Variants in ARHGAP12 observed in about 807,000 individuals in gnomAD.
ARHGAP12 encodes rho GTPase-activating protein 12.
ARHGAP12 carries 64 observed loss-of-function variants against 108.6 expected under a neutral mutation model. That is an observed-to-expected ratio of 0.59 (90% confidence interval 0.48 to 0.73). The LOEUF is 0.73. Among genes scored for constraint, ARHGAP12 ranks in the 30% least tolerant of loss-of-function variants. The pLI is 0.00. For missense variants in ARHGAP12, 940 were observed against 1,005.9 expected, an observed-to-expected ratio of 0.93 and a Z score of 0.89; for synonymous variants, 312 against 337.2, an observed-to-expected ratio of 0.93 and a Z score of 0.82.
intron 3 of ARHGAP12, among the ~76,000 whole-genome samples, chr10:31,876,802 G>C (rs1837749586): frequency 6.6e-6 from 1 of 152,200 alleles, no homozygotes; most frequent in South Asian, 2.1e-4. Flanking sequence ...CGAACAGTTA[G>C]TGCTAGTTAA....
At chr10:31,910,785 G>A (rs1431992406) in intron 1 of ARHGAP12, among the ~76,000 whole-genome samples, 1 of 152,116 alleles carries the variant, frequency 6.6e-6, no homozygotes, top group African/African-American at 2.4e-5. Flanking sequence ...CTCTCCCACT[G>A]TACTTCCACA....
chr10:31,915,680 A>G lies in ARHGAP12; in HGVS notation c.-110-5117T>C, dbSNP rs996822065. On this transcript the variant is annotated intron_variant, in intron 1 of 19. Transcript: ENST00000344936. Reference sequence around the variant, plus strand: ...ATTCCACTACGTATATATACTTCAAAAACTATATTGTACATAATAAAAAAC... The same window carrying G: ...ATTCCACTACGTATATATACTTCAAGAACTATATTGTACATAATAAAAAAC... 3.3e-5 allele frequency among the ~76,000 whole-genome samples: 5 copies of G among 152,192 alleles called. No individual in the cohort carries two copies. The South Asian group carries it at 6.2e-4, about 19-fold the overall frequency.
At chr10:31,915,176 C>T (rs1004637261) in intron 1 of ARHGAP12, among the ~76,000 whole-genome samples, 11 of 152,066 alleles carry the variant, frequency 7.2e-5, no homozygotes, top group Non-Finnish European at 2.9e-5. Context: ...CACCTGAGGT[C>T]GGGGGTTCGA....
chr10:31,869,575 C>T (rs536319085), intron 3 of ARHGAP12, among the ~76,000 whole-genome samples: 3 of 152,082 alleles, frequency 2.0e-5, no homozygotes, highest in Non-Finnish European at 2.9e-5. Context: ...ACACCACCCC[C>T]TCCCCCCTAA....
intron 1 of ARHGAP12, among the ~76,000 whole-genome samples, chr10:31,918,444 T>C (rs1839656683): frequency 6.6e-6 from 1 of 152,082 alleles, no homozygotes; most frequent in Non-Finnish European, 1.5e-5. Flanking sequence ...GGCTCATATC[T>C]GTAATCCCAG....
chr10:31,839,745 AT>A, intron 7 of ARHGAP12, 34 bp from the exon 8 acceptor site: 2 of 1,501,958 alleles, frequency 1.3e-6, no homozygotes, highest in Non-Finnish European at 9.1e-7. Flanking sequence ...AAGTTACTCT[AT>A]TTTATATAAT....
At chr10:31,812,895 C>T in intron 14 of ARHGAP12, 72 bp from the exon 15 acceptor site, 2 of 768,636 alleles carry the variant, frequency 2.6e-6, no homozygotes, top group East Asian at 2.6e-5. Flanking sequence ...TTCCAGCTAG[C>T]ATGCAAAACA....
intron 6 of ARHGAP12, among the ~76,000 whole-genome samples, chr10:31,845,741 C>T (rs1428007175): frequency 2.0e-5 from 3 of 152,098 alleles, no homozygotes; most frequent in Non-Finnish European, 2.9e-5. Context: ...ACCGAAATTT[C>T]ACCACTGCAC....
intron 3 of ARHGAP12, 74 bp downstream of exon 3, chr10:31,908,098 T>C: frequency 7.2e-7 from 1 of 1,381,782 alleles, no homozygotes; most frequent in Non-Finnish European, 9.7e-7. Flanking sequence ...CTCTTACAAA[T>C]ATTTCAATTA....
chr10:31,850,031 T>C (rs1181319868), intron 6 of ARHGAP12, among the ~76,000 whole-genome samples: 2 of 152,166 alleles, frequency 1.3e-5, no homozygotes, highest in Non-Finnish European at 2.9e-5. Flanking sequence ...ACTCTCTCCC[T>C]TCAAAGGACC....
rs191425151 is a variant in ARHGAP12, at chr10:31,919,980, G to A, written c.-111+8703C>T. Among the ~76,000 whole-genome samples, 367 of 151,158 alleles carry A rather than the reference G, an allele frequency of 2.4e-3. 3 individuals carry two copies. The highest frequency in any genetic ancestry group is 8.5e-3 in the African/African-American group (350 of 41,120). The stretch of plus-strand genomic sequence containing the variant: ...AAAATACAAAAATTAGCTGGCCATG[G>A]TGGCATGCCTGTAATCCCAGCTACT... On this transcript the variant is annotated intron_variant, in intron 1 of 19. Transcript: ENST00000344936.
At chr10:31,809,822 C>A (rs574285523) in intron 16 of ARHGAP12, 2 of 152,250 alleles carry the variant, frequency 1.3e-5, no homozygotes, top group African/African-American at 4.8e-5. Flanking sequence ...TTATTATTTT[C>A]TTTTATATGT....
chr10:31,848,346 G>A (rs1433632283), intron 6 of ARHGAP12, among the ~76,000 whole-genome samples: 1 of 152,096 alleles, frequency 6.6e-6, no homozygotes, highest in Non-Finnish European at 1.5e-5. Context: ...AGCAAAATTT[G>A]TTGACATGTT....
chr10:31,810,814 A>G, intron 15 of ARHGAP12, 67 bp from the exon 16 acceptor site: 2 of 1,209,770 alleles, frequency 1.7e-6, no homozygotes, highest in East Asian at 2.3e-5. Flanking sequence ...ATGGCTAACC[A>G]TTCAGAGTGC....
At chr10:31,813,271 T>C (rs771577189) in intron 14 of ARHGAP12, among the ~76,000 whole-genome samples, 12 of 152,100 alleles carry the variant, frequency 7.9e-5, no homozygotes, top group African/African-American at 2.2e-4. Flanking sequence ...CACAAATATA[T>C]AGAGATATAA....
chr10:31,880,825 G>C (rs574443668), intron 3 of ARHGAP12, among the ~76,000 whole-genome samples: 24 of 151,842 alleles, frequency 1.6e-4, no homozygotes, highest in Admixed American at 2.6e-4. Context: ...CCAGCACTTT[G>C]GGAGGCTGAG....
intron 19 of ARHGAP12, among the ~76,000 whole-genome samples, chr10:31,808,227 A>G (rs1430379280): frequency 6.6e-6 from 1 of 152,156 alleles, no homozygotes; most frequent in Non-Finnish European, 1.5e-5. Context: ...TTTAAAAAAA[A>G]AAAACTCTCT....
chr10:31,817,906 G>GA lies in ARHGAP12; in HGVS notation c.1633-21dup, dbSNP rs747057632. ...TTTCAGCTTTAGAGAAAAGCAGGGAGAAAAAAGAGTATGGTCAGTTTGTGC... is the reference window on the plus strand; with the variant it reads ...TTTCAGCTTTAGAGAAAAGCAGGGAGAAAAAAAGAGTATGGTCAGTTTGTGC... On this transcript the variant is annotated intron_variant, in intron 12 of 19. Transcript: ENST00000344936. 1.1e-4 allele frequency: 176 copies of GA among 1,581,376 alleles called. No homozygotes were observed. Among genetic ancestry groups the GA allele is most frequent in the Admixed American group, 2.2e-4 (13 of 57,830 alleles).
At chr10:31,887,165 G>C (rs1416542285) in intron 3 of ARHGAP12, among the ~76,000 whole-genome samples, 1 of 152,214 alleles carries the variant, frequency 6.6e-6, no homozygotes, top group Non-Finnish European at 1.5e-5. Flanking sequence ...AGAGGGGCAG[G>C]ATGAAGATCC....
Sources: gnomAD v4.1 joint callset for allele counts (sites outside exome capture counted in the v4.1 genomes callset) on GRCh38, gnomAD v4.1.1 for gene constraint, MANE v1.5 for transcripts, NCBI Gene and HGNC (gene_info 2026-07-23, HGNC 2026-07-21) for gene names.